Variants in CADM2 observed in about 807,000 individuals in gnomAD.
CADM2 encodes the protein cell adhesion molecule 2.
Under a neutral mutation model 49.8 loss-of-function variants are expected in CADM2, and 12 were observed. The observed-to-expected ratio is 0.24, with a 90% CI of 0.15 to 0.39. CADM2 has a LOEUF of 0.39. CADM2 is among the 10% of genes least tolerant of loss of function. The pLI is 1.00. For synonymous variants in CADM2, 214 were observed against 175.4 expected (o/e 1.22, Z -1.74); for missense variants, 378 against 492.3 (o/e 0.77, Z 2.20).
intron 1 of CADM2, among the ~76,000 whole-genome samples, chr3:85,345,813 C>T (rs551653494): frequency 1.6e-4 from 24 of 152,154 alleles, no homozygotes; most frequent in Middle Eastern, 6.8e-3. Flanking sequence ...TTTTGATGGT[C>T]GTAATTTGGT....
chr3:85,311,672 G>A (rs1334936674), intron 1 of CADM2, among the ~76,000 whole-genome samples: 1 of 152,012 alleles, frequency 6.6e-6, no homozygotes, highest in East Asian at 1.9e-4. Flanking sequence ...CACCACGCCC[G>A]GCCGCATCAT....
At chr3:85,075,988 G>A (rs1485794926) in intron 1 of CADM2, among the ~76,000 whole-genome samples, 4 of 151,348 alleles carry the variant, frequency 2.6e-5, no homozygotes, top group African/African-American at 9.7e-5. Context: ...GAAAAGAAAA[G>A]CATATTGTTC....
intron 5 of CADM2, among the ~76,000 whole-genome samples, chr3:85,891,403 A>G (rs1714416385): frequency 6.6e-6 from 1 of 152,204 alleles, no homozygotes; most frequent in South Asian, 2.1e-4. Flanking sequence ...TTCTATGATA[A>G]TCCTTAATTA....
chr3:85,811,864 T>TG (rs551343623), intron 3 of CADM2, among the ~76,000 whole-genome samples: 50 of 151,862 alleles, frequency 3.3e-4, no homozygotes, highest in African/African-American at 1.1e-3. Flanking sequence ...GATGTTTTTT[T>TG]TTTTTTTTTT....
chr3:84,993,267 C>G (rs2032992810), intron 1 of CADM2, among the ~76,000 whole-genome samples: 1 of 152,048 alleles, frequency 6.6e-6, no homozygotes, highest in South Asian at 2.1e-4. Context: ...GTGTGCATAG[C>G]TACTATAGCC....
chr3:85,979,412 T>G, intron 8 of CADM2: 1 of 1,036,502 alleles, frequency 9.6e-7, no homozygotes, highest in South Asian at 2.0e-5. Flanking sequence ...TCACCTAAAT[T>G]GCTATCAATT....
chr3:85,878,725 A>G (rs1712290217), intron 3 of CADM2, among the ~76,000 whole-genome samples: 1 of 152,118 alleles, frequency 6.6e-6, no homozygotes, highest in Non-Finnish European at 1.5e-5. Flanking sequence ...TGGTTTAAAT[A>G]TGAAAGTCTT....
intron 1 of CADM2, among the ~76,000 whole-genome samples, chr3:85,630,158 C>A (rs1368315163): frequency 6.6e-6 from 1 of 151,940 alleles, no homozygotes. Context: ...AATCTAAGAC[C>A]ATGCTTTTTG....
intron 1 of CADM2, among the ~76,000 whole-genome samples, chr3:85,374,914 C>T (rs983885329): frequency 5.9e-5 from 9 of 151,932 alleles, no homozygotes; most frequent in East Asian, 1.9e-4. Context: ...GGGGACACAG[C>T]GAAACCATAT....
At chr3:85,486,417 A>C (rs745733938) in intron 1 of CADM2, among the ~76,000 whole-genome samples, 12 of 152,172 alleles carry the variant, frequency 7.9e-5, no homozygotes, top group Non-Finnish European at 1.5e-4. Flanking sequence ...CATATTGAAA[A>C]TGTGTTTTAA....
chr3:86,039,508 A>T (rs1372358137), intron 8 of CADM2, among the ~76,000 whole-genome samples: 1 of 152,146 alleles, frequency 6.6e-6, no homozygotes, highest in Non-Finnish European at 1.5e-5. Flanking sequence ...TCTGACATCA[A>T]ACTGCAAGGT....
chr3:85,435,697 G>A (rs2196095), intron 1 of CADM2, among the ~76,000 whole-genome samples: 131,359 of 152,026 alleles, frequency 0.86, 56,897 homozygotes, highest in East Asian at 0.95. Context: ...TGAATTTCCA[G>A]TGATGGCCAT....
At chr3:85,884,086 A>G (rs904713648) in intron 4 of CADM2, among the ~76,000 whole-genome samples, 1 of 152,224 alleles carries the variant, frequency 6.6e-6, no homozygotes, top group Non-Finnish European at 1.5e-5. Flanking sequence ...AGTGACACAA[A>G]AAAAGCAATA....
intron 1 of CADM2, among the ~76,000 whole-genome samples, chr3:85,636,192 C>G (rs1340218245): frequency 6.6e-6 from 1 of 152,112 alleles, no homozygotes; most frequent in Non-Finnish European, 1.5e-5. Context: ...GAGATGACAG[C>G]TCTATGAATG....
intron 3 of CADM2, among the ~76,000 whole-genome samples, chr3:85,861,850 C>T (rs1397054716): frequency 6.6e-6 from 1 of 151,660 alleles, no homozygotes; most frequent in Non-Finnish European, 1.5e-5. Flanking sequence ...ATAAAGCATT[C>T]AAAGCTAATA....
chr3:85,515,592 A>T, intron 1 of CADM2, among the ~76,000 whole-genome samples: 1 of 142,552 alleles, frequency 7.0e-6, no homozygotes. Flanking sequence ...CCTACAGGAG[A>T]GTGCCACCAC....
At chr3:85,436,814 C>A (rs1290760511) in intron 1 of CADM2, among the ~76,000 whole-genome samples, 2 of 152,204 alleles carry the variant, frequency 1.3e-5, no homozygotes, top group African/African-American at 4.8e-5. Context: ...TTTGCCAAAG[C>A]GGTACATTTG....
At chr3:85,697,546 G>T (rs2066608657) in intron 1 of CADM2, among the ~76,000 whole-genome samples, 1 of 152,098 alleles carries the variant, frequency 6.6e-6, no homozygotes, top group Non-Finnish European at 1.5e-5. Flanking sequence ...GAAAAAATAT[G>T]TTTTTGTTGT....
chr3:85,299,595 C>T (rs539846796), intron 1 of CADM2, among the ~76,000 whole-genome samples: 2 of 152,140 alleles, frequency 1.3e-5, no homozygotes, highest in South Asian at 4.1e-4. Flanking sequence ...TGTGAATCCC[C>T]CTTGTGCTGG....
Sources: gnomAD v4.1 joint callset for allele counts (sites outside exome capture counted in the v4.1 genomes callset) on GRCh38, gnomAD v4.1.1 for gene constraint, MANE v1.5 for transcripts, NCBI Gene and HGNC (gene_info 2026-07-23, HGNC 2026-07-21) for gene names.